CHD9: variants seen among roughly 807,000 people sequenced by gnomAD.
The protein encoded by CHD9 is ATP-dependent chromatin remodeler CHD9.
A neutral mutation model predicts 316.1 loss-of-function variants in CHD9; 77 were observed. The observed-to-expected ratio is 0.24, with a 90% confidence interval of 0.20 to 0.29. The LOEUF (loss-of-function observed/expected upper bound fraction) is 0.29. Among genes scored for constraint, CHD9 ranks in the 10% least tolerant of loss-of-function variants. CHD9 has a pLI of 1.00. For synonymous variants in CHD9, 1,129 were observed against 1,158.3 expected, an observed-to-expected ratio of 0.97 and a Z score of 0.51; for missense variants, 2,763 against 3,438.1, an observed-to-expected ratio of 0.80 and a Z score of 4.91.
rs574824359 is a variant in CHD9 at position 53,089,371 on chromosome 16, G to T, written c.-165+34294G>T. Among the ~76,000 whole-genome samples the T allele has an allele frequency of 2.6e-5, 4 of 152,226 alleles. No homozygotes were observed. The East Asian group carries it at 7.7e-4, about 29-fold the overall frequency. On this transcript the variant is annotated intron_variant, in intron 1 of 38. Coordinates refer to ENST00000447540, the MANE Select transcript of CHD9 (RefSeq NM_001308319.2). ...GGTGCTTGCTATAAATGCTTTGTAA[G>T]TCCTCAGGCACATTATTGAAGATCA...
intron 2 of CHD9, among the ~76,000 whole-genome samples, chr16:53,198,001 C>T (rs1435983497): frequency 2.0e-5 from 3 of 151,966 alleles, no homozygotes; most frequent in Admixed American, 6.6e-5. Flanking sequence ...ATTGGAATTA[C>T]GGAAACCCTC....
At chr16:53,212,777 G>T (rs1030191873) in intron 3 of CHD9, among the ~76,000 whole-genome samples, 1 of 152,140 alleles carries the variant, frequency 6.6e-6, no homozygotes, top group Non-Finnish European at 1.5e-5. Flanking sequence ...CTTACAAGCA[G>T]TGTAATCCTG....
At chr16:53,125,284 C>T (rs1263826164) in intron 1 of CHD9, among the ~76,000 whole-genome samples, 3 of 130,454 alleles carry the variant, frequency 2.3e-5, no homozygotes, top group African/African-American at 5.8e-5. Context: ...AGTGCAGTGG[C>T]GCAATCTCAG....
intron 2 of CHD9, among the ~76,000 whole-genome samples, chr16:53,173,451 A>C (rs1272878634): frequency 2.0e-5 from 3 of 151,932 alleles, no homozygotes; most frequent in Non-Finnish European, 4.4e-5. Flanking sequence ...GTTTTATGGA[A>C]TTTCATTGGG....
chr16:53,306,654 T>G (rs144154329), intron 32 of CHD9, among the ~76,000 whole-genome samples: 183 of 152,358 alleles, frequency 1.2e-3, no homozygotes, highest in African/African-American at 3.6e-3. Flanking sequence ...CCTAAAGTGC[T>G]TCTTTATGAA....
At chr16:53,196,939 G>A (rs75447584) in intron 2 of CHD9, among the ~76,000 whole-genome samples, 2,568 of 152,280 alleles carry the variant, frequency 0.017, 82 homozygotes, top group African/African-American at 0.059. Flanking sequence ...CAGAAGAAAA[G>A]TATAGAATAG....
intron 1 of CHD9, among the ~76,000 whole-genome samples, chr16:53,142,923 A>G (rs1399425492): frequency 6.6e-6 from 1 of 152,208 alleles, no homozygotes; most frequent in African/African-American, 2.4e-5. Flanking sequence ...AGCATTCACA[A>G]GAAGGCCCTC....
intron 20 of CHD9, 32 bp downstream of exon 20, chr16:53,263,129 G>A (rs998838670): frequency 1.3e-6 from 2 of 1,507,448 alleles, no homozygotes; most frequent in South Asian, 2.3e-5. Context: ...AAATAAACTT[G>A]CTTTTGGGAT....
intron 2 of CHD9, among the ~76,000 whole-genome samples, chr16:53,163,903 A>T (rs2042093763): frequency 6.6e-6 from 1 of 152,180 alleles, no homozygotes; most frequent in African/African-American, 2.4e-5. Context: ...TATCACATTG[A>T]TCCATCACAA....
chr16:53,077,517 C>G (rs1050061270), intron 1 of CHD9, among the ~76,000 whole-genome samples: 9 of 151,254 alleles, frequency 6.0e-5, no homozygotes, highest in Admixed American at 5.9e-4. Flanking sequence ...TTAGTAGAGA[C>G]GGGGTTTCAC....
At chr16:53,229,873 A>G (rs1381310990) in intron 8 of CHD9, among the ~76,000 whole-genome samples, 1 of 152,210 alleles carries the variant, frequency 6.6e-6, no homozygotes, top group African/African-American at 2.4e-5. Context: ...ATGTAGTACT[A>G]TTATCCACAG....
chr16:53,274,515 G>A (rs1024124908), intron 24 of CHD9, among the ~76,000 whole-genome samples: 1 of 152,076 alleles, frequency 6.6e-6, no homozygotes, highest in African/African-American at 2.4e-5. Flanking sequence ...GAGTGCAGTG[G>A]CACAATCTCA....
At chr16:53,082,675 G>A (rs940691786) in intron 1 of CHD9, among the ~76,000 whole-genome samples, 2 of 152,246 alleles carry the variant, frequency 1.3e-5, no homozygotes, top group African/African-American at 4.8e-5. Context: ...CCAGGACAGA[G>A]CTTGCCTTAC....
intron 3 of CHD9, among the ~76,000 whole-genome samples, chr16:53,219,138 T>TA (rs1239531015): frequency 1.3e-5 from 2 of 152,212 alleles, no homozygotes; most frequent in African/African-American, 2.4e-5. Context: ...GCAGTACTCT[T>TA]ACGTTTGCAC....
chr16:53,165,494 G>A (rs1157946192), intron 2 of CHD9, among the ~76,000 whole-genome samples: 1 of 152,054 alleles, frequency 6.6e-6, no homozygotes, highest in East Asian at 1.9e-4. Context: ...AATGGTGGTG[G>A]TGGTAGAATG....
At chr16:53,317,163 C>CAAAAAAAAA (rs537619212) in intron 36 of CHD9, among the ~76,000 whole-genome samples, 4 of 81,750 alleles carry the variant, frequency 4.9e-5, no homozygotes, top group Non-Finnish European at 7.1e-5. Context: ...AACTCCATCT[C>CAAAAAAAAA]AAAAAAAAAA....
chr16:53,093,160 C>G (rs755499476), intron 1 of CHD9, among the ~76,000 whole-genome samples: 4 of 152,222 alleles, frequency 2.6e-5, no homozygotes, highest in Non-Finnish European at 2.9e-5. Flanking sequence ...CTCTCAGGCA[C>G]TAGGGCCACC....
chr16:53,242,856 G>A lies in CHD9; in HGVS notation c.2894G>A (p.Gly965Glu), dbSNP rs373178319. The A allele has an allele frequency of 5.6e-6, 9 of 1,612,804 alleles. No individual in the cohort carries two copies. The African/African-American group carries it at 1.1e-4, about 19-fold the overall frequency. The change falls in exon 13 of 39, where the codon GGA becomes GAA. Residue 965 changes from glycine to glutamate, a missense_variant. By Grantham distance (98) the Gly-to-Glu change is moderately conservative (BLOSUM62 -2). This residue lies in a region of CHD9 where 186 missense variants were observed against 245.0 expected (regional missense o/e 0.76). Transcript: ENST00000447540. The stretch of plus-strand genomic sequence containing the variant: ...CATTTCTAGGGGCGTATCATTCGAG[G>A]AGCTTACAGATTCCAAGCCATCATC... ...FRDSQGRIIR[G>E]AYRFQAIITT...
chr16:53,156,134 T>A lies in CHD9; in HGVS notation c.45T>A (p.Phe15Leu). The part of the protein sequence containing the change: ...MMDFFDDANL[F>L]GETLEGLSDD... ...ACTTTTTTGATGATGCCAATCTTTTTGGTGAGACCTTAGAAGGTTTGTCAG... is the reference window on the plus strand; with the variant it reads ...ACTTTTTTGATGATGCCAATCTTTTAGGTGAGACCTTAGAAGGTTTGTCAG... The change falls in exon 2 of 39, where the codon TTT (phenylalanine) becomes TTA (leucine). Residue 15 changes from phenylalanine to leucine, a missense_variant. Around this residue, in one of 15 missense-constraint regions of CHD9, gnomAD observed 859 missense variants for 890.4 expected, o/e 0.96. Transcript: ENST00000447540. The A allele has an allele frequency of 6.2e-7, 1 of 1,613,668 alleles. No individual in the cohort carries two copies. The highest frequency in any genetic ancestry group is 8.5e-7 in the Non-Finnish European group (1 of 1,179,780).
Sources: gnomAD v4.1 joint callset for allele counts (sites outside exome capture counted in the v4.1 genomes callset) on GRCh38, gnomAD v4.1.1 for gene constraint, gnomAD v4.1.1 regional missense constraint, MANE v1.5 for transcripts, NCBI Gene and HGNC (gene_info 2026-07-23, HGNC 2026-07-21) for gene names.